Variants in CNTN3 observed in about 807,000 individuals in gnomAD.
CNTN3 encodes contactin-3.
A neutral mutation model predicts 119.1 loss-of-function variants in CNTN3; 60 were observed. That is an observed-to-expected ratio of 0.50 (90% CI 0.41 to 0.62). The LOEUF is 0.62. Ranked by LOEUF, CNTN3 falls within the 20% of genes least tolerant of loss-of-function variation. CNTN3 has a pLI of 0.00. For synonymous variants in CNTN3, 450 were observed against 438.7 expected (o/e 1.03, Z -0.32); for missense variants, 1,101 against 1,242.4 (o/e 0.89, Z 1.71).
intron 2 of CNTN3, among the ~76,000 whole-genome samples, chr3:74,513,817 CT>C (rs1703408561): frequency 6.6e-6 from 1 of 152,096 alleles, no homozygotes; most frequent in East Asian, 1.9e-4. Flanking sequence ...TTTGTCACCC[CT>C]AGTCCTATAA....
chr3:74,423,243 A>C (rs1446658475), intron 5 of CNTN3, among the ~76,000 whole-genome samples: 1 of 152,230 alleles, frequency 6.6e-6, no homozygotes, highest in African/African-American at 2.4e-5. Context: ...TCATGAAAGG[A>C]AAAAACTAGG....
At chr3:74,414,863 G>A (rs948349425) in intron 5 of CNTN3, among the ~76,000 whole-genome samples, 3 of 145,036 alleles carry the variant, frequency 2.1e-5, no homozygotes, top group African/African-American at 5.0e-5. Context: ...ATCTCACCTG[G>A]TGTTTCCTAT....
At chr3:74,432,799 T>C (rs1009013036) in intron 4 of CNTN3, among the ~76,000 whole-genome samples, 1 of 152,216 alleles carries the variant, frequency 6.6e-6, no homozygotes, top group Non-Finnish European at 1.5e-5. Flanking sequence ...AAGTGTCTCC[T>C]CCTTTTTTGT....
At chr3:74,302,030 T>C (rs1420105179) in intron 14 of CNTN3, among the ~76,000 whole-genome samples, 1 of 152,218 alleles carries the variant, frequency 6.6e-6, no homozygotes, top group Admixed American at 6.6e-5. Flanking sequence ...TGTGAGGCAG[T>C]AATTCCCAAA....
At position 74,267,326 on chromosome 3, in the gene CNTN3, C is replaced by T. The variant is rs763140941; in HGVS notation, c.2757G>A (p.Val919=). The change falls in exon 21 of 23, where the codon GTG becomes GTA. Residue 919 remains valine, a synonymous_variant. Transcript: ENST00000263665. The stretch of plus-strand genomic sequence containing the variant: ...CTTTAACTTGCTCCCAATTAAGTAA[C>T]ACTTTAGTGTCTGTGGCATTCCAAA... ...NVVWNATDTK[V]LLNWEQVKAM... 1.2e-5 allele frequency: 19 copies of T among 1,613,284 alleles called. No individual in the cohort carries two copies. The South Asian group carries it at 1.9e-4, about 16-fold the overall frequency.
At chr3:74,410,074 C>T (rs1239247906) in intron 5 of CNTN3, among the ~76,000 whole-genome samples, 1 of 152,174 alleles carries the variant, frequency 6.6e-6, no homozygotes, top group Non-Finnish European at 1.5e-5. Context: ...ACACTCCACT[C>T]ATAGAAAGAT....
At chr3:74,353,601 A>G (rs528109020) in intron 11 of CNTN3, among the ~76,000 whole-genome samples, 297 of 152,098 alleles carry the variant, frequency 2.0e-3, no homozygotes, top group Non-Finnish European at 2.6e-3. Context: ...CTAAAAATAC[A>G]AAAAATTAGC....
At chr3:74,336,508 C>G in intron 12 of CNTN3, 23 bp downstream of exon 12, 4 of 1,608,352 alleles carry the variant, frequency 2.5e-6, no homozygotes, top group Non-Finnish European at 3.4e-6. Context: ...GTATGTAAAG[C>G]AATATTTTAG....
At chr3:74,323,359 T>C (rs954741383) in intron 13 of CNTN3, among the ~76,000 whole-genome samples, 2 of 152,216 alleles carry the variant, frequency 1.3e-5, no homozygotes, top group Admixed American at 6.5e-5. Context: ...CCACATATTA[T>C]GTTTCCATTT....
chr3:74,523,259 A>G (rs1309692178), intron 1 of CNTN3, among the ~76,000 whole-genome samples: 1 of 151,912 alleles, frequency 6.6e-6, no homozygotes, highest in Non-Finnish European at 1.5e-5. Flanking sequence ...TCCAAAAATC[A>G]GGAGAAAGAT....
chr3:74,588,995 T>C (rs1002593553), intron 1 of CNTN3, among the ~76,000 whole-genome samples: 2 of 151,902 alleles, frequency 1.3e-5, no homozygotes, highest in African/African-American at 4.8e-5. Context: ...CCTAAAACCA[T>C]AAAAACCCTA....
At chr3:74,299,174 C>T (rs542710125) in intron 17 of CNTN3, among the ~76,000 whole-genome samples, 71 of 151,958 alleles carry the variant, frequency 4.7e-4, no homozygotes, top group Non-Finnish European at 1.9e-4. Flanking sequence ...CACCACTGCA[C>T]TCCAGACTGG....
chr3:74,272,960 T>A (rs1415553547), intron 20 of CNTN3, among the ~76,000 whole-genome samples: 1 of 152,136 alleles, frequency 6.6e-6, no homozygotes, highest in East Asian at 1.9e-4. Context: ...TTTTTTTAAA[T>A]TTATCTAAGT....
chr3:74,437,998 G>A (rs1397918671), intron 4 of CNTN3, among the ~76,000 whole-genome samples: 1 of 151,984 alleles, frequency 6.6e-6, no homozygotes, highest in Non-Finnish European at 1.5e-5. Context: ...CACTGTACTG[G>A]GTATGCCATA....
chr3:74,492,643 T>C (rs1227293761), intron 3 of CNTN3, among the ~76,000 whole-genome samples: 1 of 152,174 alleles, frequency 6.6e-6, no homozygotes, highest in East Asian at 1.9e-4. Flanking sequence ...TCCTAAATGA[T>C]AAAAACTTTC....
chr3:74,417,242 C>T (rs903089765), intron 5 of CNTN3, among the ~76,000 whole-genome samples: 14 of 152,080 alleles, frequency 9.2e-5, no homozygotes, highest in Non-Finnish European at 1.5e-4. Flanking sequence ...CCCATATGTA[C>T]CTGAGGACAG....
At chr3:74,273,350 T>C (rs1701818530) in intron 20 of CNTN3, among the ~76,000 whole-genome samples, 1 of 152,166 alleles carries the variant, frequency 6.6e-6, no homozygotes, top group Non-Finnish European at 1.5e-5. Context: ...GAGCAGTGTG[T>C]GGAGGCTTGC....
chr3:74,599,493 A>C (rs1386562708), intron 1 of CNTN3, among the ~76,000 whole-genome samples: 1 of 152,070 alleles, frequency 6.6e-6, no homozygotes, highest in East Asian at 1.9e-4. Flanking sequence ...TTTGGAGATG[A>C]AACTGCTCCA....
chr3:74,409,081 C>T (rs1213178796), intron 5 of CNTN3, among the ~76,000 whole-genome samples: 1 of 152,170 alleles, frequency 6.6e-6, no homozygotes, highest in Non-Finnish European at 1.5e-5. Context: ...ATCAGGATGT[C>T]TTACCATGGT....
Sources: allele counts gnomAD v4.1 joint callset (sites outside exome capture counted in the v4.1 genomes callset), GRCh38; gene constraint gnomAD v4.1.1; transcripts MANE v1.5; gene names NCBI Gene and HGNC (gene_info 2026-07-23, HGNC 2026-07-21).